MTPAP: variants seen among roughly 807,000 people sequenced by gnomAD.
MTPAP encodes the protein mitochondrial poly(A) polymerase, also known as poly(A) RNA polymerase, mitochondrial.
In MTPAP, 23 loss-of-function variants were observed where a neutral mutation model predicts 48.7. The observed-to-expected ratio is 0.47, with a 90% CI of 0.34 to 0.67. The LOEUF is 0.67. Among genes scored for constraint, MTPAP ranks in the 30% least tolerant of loss-of-function variants. The pLI is 0.01. For synonymous variants in MTPAP, 257 were observed against 254.1 expected (o/e 1.01, Z -0.11); for missense variants, 614 against 694.3 (o/e 0.88, Z 1.30).
intron 4 of MTPAP, among the ~76,000 whole-genome samples, chr10:30,328,178 C>A (rs988830408): frequency 2.0e-5 from 3 of 152,068 alleles, no homozygotes; most frequent in African/African-American, 7.2e-5. Context: ...CAAAAAAATT[C>A]ACAGAAAAAA....
intron 8 of MTPAP, among the ~76,000 whole-genome samples, chr10:30,315,496 T>C (rs1356065238): frequency 7.7e-6 from 1 of 130,126 alleles, no homozygotes; most frequent in Non-Finnish European, 1.8e-5. Context: ...CGTAAGTTCA[T>C]TTGCTCAAAA....
At chr10:30,333,418 C>T (rs1024273483) in intron 4 of MTPAP, among the ~76,000 whole-genome samples, 16 of 152,114 alleles carry the variant, frequency 1.1e-4, no homozygotes, top group African/African-American at 3.6e-4. Flanking sequence ...AATAACTTAC[C>T]TAGGATCACA....
chr10:30,312,480 G>GA lies in MTPAP; in HGVS notation c.*1128dup. The GA allele has an allele frequency of 6.8e-6, 1 of 147,636 alleles. No homozygotes were observed. Among genetic ancestry groups the GA allele is most frequent in the Admixed American group, 6.9e-5 (1 of 14,464 alleles). 9.1% of individuals were successfully genotyped at this position (147,636 alleles called of 1,614,324 possible). ...GCTACTCAGAGAGGCTGAGGCAGGA[G>GA]AATGGCGTGAACCTGGGAGGCAGAG... is the stretch of plus-strand genomic sequence containing the variant. On this transcript the variant is annotated 3_prime_UTR_variant, in exon 9 of 9. Transcript: ENST00000263063.
At chr10:30,315,265 G>A (rs539791763) in intron 8 of MTPAP, among the ~76,000 whole-genome samples, 1 of 152,300 alleles carries the variant, frequency 6.6e-6, no homozygotes, top group South Asian at 2.1e-4. Flanking sequence ...GAAAAACGGA[G>A]AGGTGAAGAA....
At position 30,322,444 on chromosome 10, in the gene MTPAP, T is replaced by C; in HGVS notation, c.1166A>G (p.Gln389Arg). 1.2e-6 allele frequency: 2 copies of C among 1,613,750 alleles called. No homozygotes were observed. Among genetic ancestry groups the C allele is most frequent in the Non-Finnish European group, 1.7e-6 (2 of 1,179,690 alleles). ...SLTMMVIFFL[Q>R]RRSPPILPTL... The stretch of plus-strand genomic sequence containing the variant: ...TGGAAGAATAGGGGGTGATCTTCTC[T>C]GGAGAAAAAAGATGACCATCATTGT... The change falls in exon 6 of 9, where the codon CAG becomes CGG. Residue 389 changes from glutamine (Q) to arginine (R), a missense_variant. Gln to Arg is a conservative substitution (Grantham distance 43). Coordinates refer to ENST00000263063, the MANE Select transcript of MTPAP (RefSeq NM_018109.4).
In MTPAP at chr10:30,313,532, T is replaced by C; in HGVS notation, c.*77A>G. 6.3e-7 allele frequency: 1 copy of C among 1,575,300 alleles called. No individual in the cohort carries two copies. Among genetic ancestry groups the C allele is most frequent in the Non-Finnish European group, 8.7e-7 (1 of 1,149,044 alleles). Reference sequence around the variant, plus strand: ...GATGAAAGCTGAGATCTGTGAAAGTTTCAAATCAGTTTTTCCAAGTAAGTC... The same window carrying C: ...GATGAAAGCTGAGATCTGTGAAAGTCTCAAATCAGTTTTTCCAAGTAAGTC... On this transcript the variant is annotated 3_prime_UTR_variant, in exon 9 of 9. Transcript: ENST00000263063.
At chr10:30,347,820 G>A (rs1834889630) in intron 1 of MTPAP, among the ~76,000 whole-genome samples, 1 of 152,168 alleles carries the variant, frequency 6.6e-6, no homozygotes, top group African/African-American at 2.4e-5. Flanking sequence ...AAACCCGGGA[G>A]GCCAAGGTTG....
intron 3 of MTPAP, among the ~76,000 whole-genome samples, chr10:30,337,385 T>C (rs999672675): frequency 2.2e-4 from 33 of 151,918 alleles, no homozygotes; most frequent in Middle Eastern, 6.8e-3. Context: ...GATCGCACCA[T>C]TGCACTCCAG....
At chr10:30,339,169 C>A (rs1318558934) in intron 3 of MTPAP, among the ~76,000 whole-genome samples, 2 of 150,984 alleles carry the variant, frequency 1.3e-5, no homozygotes, top group Non-Finnish European at 3.0e-5. Flanking sequence ...AAGACAAATA[C>A]AAACAATATT....
chr10:30,338,776 G>A (rs377073989), intron 3 of MTPAP, among the ~76,000 whole-genome samples: 121 of 152,230 alleles, frequency 7.9e-4, no homozygotes, highest in African/African-American at 2.8e-3. Context: ...GATAAATAAA[G>A]CCATGAGTTG....
intron 6 of MTPAP, among the ~76,000 whole-genome samples, chr10:30,319,247 A>G (rs1840695191): frequency 6.6e-6 from 1 of 152,224 alleles, no homozygotes; most frequent in African/African-American, 2.4e-5. Context: ...ATACAATGTG[A>G]AAAAGTTTGG....
chr10:30,323,660 C>A (rs1840755269), intron 5 of MTPAP, among the ~76,000 whole-genome samples: 1 of 151,960 alleles, frequency 6.6e-6, no homozygotes, highest in African/African-American at 2.4e-5. Flanking sequence ...CAGGCGCCCA[C>A]CACCACGCCC....
rs536763977 is a variant in MTPAP at position 30,332,399 on chromosome 10, T to C, written c.780+4404A>G. Among the ~76,000 whole-genome samples the C allele has an allele frequency of 3.9e-5, 6 of 152,230 alleles. No individual in the cohort carries two copies. In the East Asian group the frequency reaches 1.2e-3, roughly 30 times the overall value. ...CCTCTGCCTCACCGGGTTCAAGCAA[T>C]TCTCCTGCCTCAGCCTTCTGAGTAG... On this transcript the variant is annotated intron_variant, in intron 4 of 8. Transcript: ENST00000263063.
In MTPAP at chr10:30,336,934, T is replaced by C. The variant is rs141299430; in HGVS notation, c.649A>G (p.Met217Val). The change falls in exon 4 of 9, where the codon ATG becomes GTG. Residue 217 changes from methionine (M) to valine (V), a missense_variant. By Grantham distance (21) the Met-to-Val change is conservative. This residue lies in a region of MTPAP where 261 missense variants were observed against 355.4 expected (regional missense o/e 0.73). Transcript: ENST00000263063. Reference sequence around the variant, plus strand: ...CAGTCTGGAAAATACGCGGCGGCCATGTCTTCAATAAGAGAACAGGTGAGA... The same window carrying C: ...CAGTCTGGAAAATACGCGGCGGCCACGTCTTCAATAAGAGAACAGGTGAGA... Reference protein sequence around the residue: ...RYLTCSLIEDMAAAYFPDCIV... With the variant: ...RYLTCSLIEDVAAAYFPDCIV... 7.4e-6 allele frequency: 12 copies of C among 1,613,434 alleles called. No homozygotes were observed. Among genetic ancestry groups the C allele is most frequent in the African/African-American group, 1.3e-5 (1 of 74,892 alleles).
chr10:30,318,574 G>A (rs1840687205), intron 6 of MTPAP, among the ~76,000 whole-genome samples: 3 of 152,150 alleles, frequency 2.0e-5, no homozygotes, highest in Admixed American at 1.3e-4. Context: ...TGTAACAAAA[G>A]TAGCAAAGCC....
chr10:30,332,315 CAG>C (rs1397262479), intron 4 of MTPAP, among the ~76,000 whole-genome samples: 3 of 152,122 alleles, frequency 2.0e-5, no homozygotes, highest in African/African-American at 7.2e-5. Context: ...GTATGTATGA[CAG>C]AGTCTTGCTA....
chr10:30,340,173 TG>T (rs1834782516), intron 3 of MTPAP, 52 bp downstream of exon 3: 1 of 1,378,496 alleles, frequency 7.3e-7, no homozygotes, highest in African/African-American at 1.4e-5. Context: ...GAATCTTTAT[TG>T]TTCATAAAAA....
chr10:30,345,892 C>T (rs1834868258), intron 1 of MTPAP, among the ~76,000 whole-genome samples: 1 of 151,694 alleles, frequency 6.6e-6, no homozygotes. Flanking sequence ...ACTAAAAATA[C>T]AAAAAATTAA....
chr10:30,339,813 A>T (rs1834777435), intron 3 of MTPAP, among the ~76,000 whole-genome samples: 1 of 152,226 alleles, frequency 6.6e-6, no homozygotes, highest in Non-Finnish European at 1.5e-5. Flanking sequence ...ATACACCTTG[A>T]CTAAGTAGGG....
Sources: allele counts gnomAD v4.1 joint callset (sites outside exome capture counted in the v4.1 genomes callset), GRCh38; gene constraint gnomAD v4.1.1; regional missense constraint gnomAD v4.1.1; transcripts MANE v1.5; gene names NCBI Gene and HGNC (gene_info 2026-07-23, HGNC 2026-07-21).